GPC5: variants seen among roughly 807,000 people sequenced by gnomAD.
The protein encoded by GPC5 is glypican 5.
A neutral mutation model predicts 53.9 loss-of-function variants in GPC5; 47 were observed. The ratio of observed to expected loss-of-function variants is 0.87; its 90% CI spans 0.69 to 1.11. GPC5 has a LOEUF of 1.11. Among genes scored for constraint, GPC5 ranks in the 50% most tolerant of loss-of-function variants. The probability of loss-of-function intolerance (pLI) is 0.00; values close to 1 mark genes in which losing one functional copy is unlikely to be tolerated. For missense variants in GPC5, 748 were observed against 713.1 expected (o/e 1.05, Z -0.56); for synonymous variants, 286 against 263.3 (o/e 1.09, Z -0.84).
intron 7 of GPC5, among the ~76,000 whole-genome samples, chr13:92,481,742 GA>G (rs199973904): frequency 1.5e-4 from 23 of 150,830 alleles, no homozygotes; most frequent in Admixed American, 6.0e-4. Flanking sequence ...TCATTAGCTG[GA>G]AAAAAAAATC....
intron 6 of GPC5, among the ~76,000 whole-genome samples, chr13:92,066,160 G>A (rs1335773794): frequency 6.6e-6 from 1 of 152,020 alleles, no homozygotes; most frequent in Non-Finnish European, 1.5e-5. Flanking sequence ...AGATCTATTA[G>A]CGACAGAATA....
At chr13:92,787,173 A>AAAGT (rs1425635766) in intron 7 of GPC5, among the ~76,000 whole-genome samples, 1 of 152,138 alleles carries the variant, frequency 6.6e-6, no homozygotes, top group Non-Finnish European at 1.5e-5. Flanking sequence ...AGGAAAACTA[A>AAAGT]AAGTAAGTAA....
At chr13:91,488,652 C>A (rs1242157253) in intron 2 of GPC5, among the ~76,000 whole-genome samples, 1 of 152,186 alleles carries the variant, frequency 6.6e-6, no homozygotes, top group African/African-American at 2.4e-5. Flanking sequence ...ATCTCTTAAT[C>A]CTGTCATCTT....
chr13:92,549,884 T>C (rs9589576), intron 7 of GPC5, among the ~76,000 whole-genome samples: 49 of 140,846 alleles, frequency 3.5e-4, no homozygotes, highest in Non-Finnish European at 4.2e-4. Flanking sequence ...AACACACACA[T>C]ACACACACAC....
intron 7 of GPC5, among the ~76,000 whole-genome samples, chr13:92,234,084 G>T: frequency 6.6e-6 from 1 of 152,126 alleles, no homozygotes; most frequent in East Asian, 1.9e-4. Context: ...TTGGTTCCAA[G>T]TCTTTGCTAT....
chr13:92,135,398 C>T (rs1320303814), intron 6 of GPC5, among the ~76,000 whole-genome samples: 2 of 152,128 alleles, frequency 1.3e-5, no homozygotes, highest in Admixed American at 6.5e-5. Context: ...TAATATTTCA[C>T]TTACTCGTTA....
intron 7 of GPC5, among the ~76,000 whole-genome samples, chr13:92,259,116 C>T (rs2042747227): frequency 6.6e-6 from 1 of 152,162 alleles, no homozygotes; most frequent in African/African-American, 2.4e-5. Context: ...ATAGATAGAA[C>T]ATATGACATT....
intron 5 of GPC5, among the ~76,000 whole-genome samples, chr13:91,813,014 GC>G (rs1246003319): frequency 6.6e-6 from 1 of 152,136 alleles, no homozygotes; most frequent in Non-Finnish European, 1.5e-5. Context: ...TGCAGTTTAA[GC>G]CCAAAGTGTC....
At chr13:92,121,228 T>G (rs1356115244) in intron 6 of GPC5, among the ~76,000 whole-genome samples, 1 of 152,194 alleles carries the variant, frequency 6.6e-6, no homozygotes, top group Non-Finnish European at 1.5e-5. Flanking sequence ...CACTCACACT[T>G]CTCTACTAGT....
At chr13:91,832,199 T>C (rs114505368) in intron 5 of GPC5, among the ~76,000 whole-genome samples, 6,718 of 152,102 alleles carry the variant, frequency 0.044, 175 homozygotes, top group Middle Eastern at 0.068. Flanking sequence ...CATTGATCCC[T>C]TTACCAATGC....
At chr13:92,245,255 G>A (rs1411751) in intron 7 of GPC5, among the ~76,000 whole-genome samples, 24,313 of 151,830 alleles carry the variant, frequency 0.16, 2,379 homozygotes, top group Admixed American at 0.22. Flanking sequence ...TGCAGTCCCT[G>A]TTAAAATATC....
intron 7 of GPC5, among the ~76,000 whole-genome samples, chr13:92,194,848 G>A (rs1274860217): frequency 4.6e-5 from 7 of 152,186 alleles, no homozygotes. Flanking sequence ...CTAAGGTAGA[G>A]TGAGAAGGAA....
chr13:91,557,277 T>C (rs2031014196), intron 2 of GPC5, among the ~76,000 whole-genome samples: 1 of 152,156 alleles, frequency 6.6e-6, no homozygotes, highest in Non-Finnish European at 1.5e-5. Context: ...GCATTGTGCC[T>C]TTACTTTGCA....
intron 7 of GPC5, among the ~76,000 whole-genome samples, chr13:92,161,529 G>A (rs1324180025): frequency 6.6e-6 from 1 of 152,128 alleles, no homozygotes; most frequent in Non-Finnish European, 1.5e-5. Flanking sequence ...TAATAAGTAT[G>A]TGTATATTCA....
At chr13:92,302,539 C>T (rs989724800) in intron 7 of GPC5, among the ~76,000 whole-genome samples, 3 of 152,074 alleles carry the variant, frequency 2.0e-5, no homozygotes, top group Non-Finnish European at 4.4e-5. Flanking sequence ...TATTAATTCT[C>T]TGTTTGACTA....
At chr13:92,677,806 T>C (rs1886996599) in intron 7 of GPC5, among the ~76,000 whole-genome samples, 1 of 152,186 alleles carries the variant, frequency 6.6e-6, no homozygotes, top group African/African-American at 2.4e-5. Context: ...CTCACACTGT[T>C]TGCCCAGGAA....
chr13:92,743,795 A>AG lies in GPC5; in HGVS notation c.1562-122485dup, dbSNP rs1889171090. 2.6e-5 allele frequency among the ~76,000 whole-genome samples: 4 copies of AG among 152,128 alleles called. No homozygotes were observed. In the South Asian group the frequency reaches 8.3e-4, roughly 32 times the overall value. On this transcript the variant is annotated intron_variant, in intron 7 of 7. Coordinates refer to ENST00000377067, the MANE Select transcript of GPC5 (RefSeq NM_004466.6). ...AATTTATTGAGAGTTTTTAACATGA[A>AG]GGCTGTTGAATTTTGTCAAAGGCCT...
At chr13:92,157,413 A>C (rs900197882) in intron 7 of GPC5, among the ~76,000 whole-genome samples, 1 of 152,158 alleles carries the variant, frequency 6.6e-6, no homozygotes, top group Non-Finnish European at 1.5e-5. Context: ...TGTGTTTGCT[A>C]ATTGGTATTT....
chr13:92,650,864 C>T (rs1269846332), intron 7 of GPC5, among the ~76,000 whole-genome samples: 4 of 151,998 alleles, frequency 2.6e-5, no homozygotes, highest in African/African-American at 9.7e-5. Flanking sequence ...CATAGGTATA[C>T]GTGTGCCACG....
Sources: allele counts gnomAD v4.1 joint callset (sites outside exome capture counted in the v4.1 genomes callset), GRCh38; gene constraint gnomAD v4.1.1; transcripts MANE v1.5; gene names NCBI Gene and HGNC (gene_info 2026-07-23, HGNC 2026-07-21).